C15orf62: variants seen among roughly 807,000 people sequenced by gnomAD.
C15orf62 encodes the protein uncharacterized protein C15orf62, mitochondrial.
C15orf62 carries 11 observed loss-of-function variants against 13.2 expected under a neutral mutation model. The observed-to-expected ratio is 0.83, with a 90% CI of 0.52 to 1.38. The LOEUF (loss-of-function observed/expected upper bound fraction) is 1.38, where lower values mean the gene tolerates loss of function less well. C15orf62 is among the 40% of genes most tolerant of loss of function. C15orf62 has a pLI of 0.00. For synonymous variants in C15orf62, 88 were observed against 95.6 expected (o/e 0.92, Z 0.46); for missense variants, 204 against 229.1 (o/e 0.89, Z 0.71).
rs769514449 is a variant in C15orf62, at chr15:40,770,753, C to T, written c.258C>T (p.Tyr86=). 1.1e-5 allele frequency: 17 copies of T among 1,545,728 alleles called. No homozygotes were observed. The highest frequency in any genetic ancestry group is 1.5e-5 in the Non-Finnish European group (17 of 1,146,976). Reference sequence around the variant, plus strand: ...CCCCACCCAAGCCCCCACGCCTCTACCGAGAGAGCTCAAGCTGCCCCAACA... The same window carrying T: ...CCCCACCCAAGCCCCCACGCCTCTATCGAGAGAGCTCAAGCTGCCCCAACA... ...LLAPPKPPRL[Y]RESSSCPNIL... The change falls in exon 1 of 1, where the codon TAC becomes TAT. Residue 86 remains tyrosine (Y), a synonymous_variant. Coordinates refer to ENST00000344320, the MANE Select transcript of C15orf62 (RefSeq NM_001130448.3). The surrounding 1 kb of genome is among the most constrained non-coding windows in gnomAD (Gnocchi z 5.0).
At position 40,770,092 on chromosome 15, in the gene C15orf62, TCTG is replaced by T. The variant is rs1322076838; in HGVS notation, c.-399_-397del. 1.5e-5 allele frequency: 3 copies of T among 197,632 alleles called. No homozygotes were observed. The Admixed American group carries it at 1.6e-4, about 11-fold the overall frequency. The allele number at this position is 197,632 out of a possible 1,614,324, so 12.2% of individuals were successfully genotyped here. A position where few individuals can be genotyped will look rare whatever the true frequency, so the allele number is the denominator to read the frequency against. ...CACCAGGGCGAGTGAGCTCGGGCCA[TCTG>T]CTGCCTGCCTGTGGAAGGAGCGCTC... On this transcript the variant is annotated 5_prime_UTR_variant, in exon 1 of 1. Coordinates refer to ENST00000344320, the MANE Select transcript of C15orf62 (RefSeq NM_001130448.3). This position sits in a 1 kb window ranked among gnomAD's most constrained non-coding sequence, Gnocchi z 5.0.
rs1222546724 is a variant in C15orf62, at chr15:40,771,361, T to C, written c.*338T>C. ...TCTGTGCGGCACTACAGGAACCAGG[T>C]AGAGGCTGGCAGAGCCAGAAGGTGG... On this transcript the variant is annotated 3_prime_UTR_variant, in exon 1 of 1. Coordinates refer to ENST00000344320, the MANE Select transcript of C15orf62 (RefSeq NM_001130448.3). The C allele has an allele frequency of 3.1e-6, 1 of 326,470 alleles. No homozygotes were observed. Among genetic ancestry groups the C allele is most frequent in the Non-Finnish European group, 6.0e-6 (1 of 165,370 alleles). 20.2% of individuals were successfully genotyped at this position (326,470 alleles called of 1,614,324 possible). A position where few individuals can be genotyped will look rare whatever the true frequency, so the allele number is the denominator to read the frequency against.
Position 40,771,338 on chromosome 15 carries a change from T to G in C15orf62, c.*315T>G. ...AGGCTGTGCCGGGAAAGGGAGGCTC[T>G]GTGCGGCACTACAGGAACCAGGTAG... On this transcript the variant is annotated 3_prime_UTR_variant, in exon 1 of 1. Coordinates refer to ENST00000344320, the MANE Select transcript of C15orf62 (RefSeq NM_001130448.3). 1 of 406,048 alleles carries G rather than the reference T, an allele frequency of 2.5e-6. No individual in the cohort carries two copies. Among genetic ancestry groups the G allele is most frequent in the Non-Finnish European group, 4.7e-6 (1 of 211,766 alleles). 25.2% of individuals were successfully genotyped at this position (406,048 alleles called of 1,614,324 possible). A position where few individuals can be genotyped will look rare whatever the true frequency, so the allele number is the denominator to read the frequency against.
At position 40,771,379 on chromosome 15, in the gene C15orf62, G is replaced by A. The variant is rs1889136367; in HGVS notation, c.*356G>A. 3.2e-6 allele frequency: 1 copy of A among 310,028 alleles called. No individual in the cohort carries two copies. The highest frequency in any genetic ancestry group is 6.4e-6 in the Non-Finnish European group (1 of 155,510). 19.2% of individuals were successfully genotyped at this position (310,028 alleles called of 1,614,324 possible). The stretch of plus-strand genomic sequence containing the variant: ...AACCAGGTAGAGGCTGGCAGAGCCA[G>A]AAGGTGGCACGGGGTCAGATCAGGG... On this transcript the variant is annotated 3_prime_UTR_variant, in exon 1 of 1. Coordinates refer to ENST00000344320, the MANE Select transcript of C15orf62 (RefSeq NM_001130448.3).
chr15:40,770,873 G>A lies in C15orf62; in HGVS notation c.378G>A (p.Lys126=), dbSNP rs979645873. 3 of 1,551,564 alleles carry A rather than the reference G, an allele frequency of 1.9e-6. No homozygotes were observed. Among genetic ancestry groups the A allele is most frequent in the East Asian group, 2.4e-5 (1 of 40,926 alleles). ...GTGCCCTCCACCAGCACTCAGAGAA[G>A]GGCCTTGTGGACACTCCCTGCTTCC... ...LSSALHQHSE[K]GLVDTPCFQR... Residue 126 remains lysine, a synonymous_variant, in exon 1 of 1, where the codon AAG becomes AAA. Coordinates refer to ENST00000344320, the MANE Select transcript of C15orf62 (RefSeq NM_001130448.3). This position sits in a 1 kb window ranked among gnomAD's most constrained non-coding sequence, Gnocchi z 5.0.
rs895059280 is a variant in C15orf62 at position 40,770,509 on chromosome 15, G to A, written c.14G>A (p.Arg5Gln). Residue 5 changes from arginine (R) to glutamine (Q), a missense_variant, in exon 1 of 1, where the codon CGG (arginine) becomes CAG (glutamine). Arg to Gln is a conservative substitution (Grantham distance 43). Transcript: ENST00000344320. The surrounding 1 kb of genome is among the most constrained non-coding windows in gnomAD (Gnocchi z 5.0). METW[R>Q]KGSFRNASFF... is the part of the protein sequence containing the mutation. Reference sequence around the variant, plus strand: ...CCCCTGGGCCCCATGGAGACCTGGCGGAAAGGCTCCTTCCGCAACGCCTCC... The same window carrying A: ...CCCCTGGGCCCCATGGAGACCTGGCAGAAAGGCTCCTTCCGCAACGCCTCC... 1.5e-5 allele frequency: 24 copies of A among 1,549,694 alleles called. No homozygotes were observed. The highest frequency in any genetic ancestry group is 5.5e-5 in the African/African-American group (4 of 73,034).
Position 40,771,015 on chromosome 15 carries a change from A to G in C15orf62, c.520A>G (p.Ser174Gly). The G allele has an allele frequency of 6.4e-7, 1 of 1,550,574 alleles. No individual in the cohort carries two copies. The highest frequency in any genetic ancestry group is 1.2e-5 in the South Asian group (1 of 84,060). The change falls in exon 1 of 1, where the codon AGC becomes GGC. Residue 174 changes from serine to glycine, a missense_variant. By Grantham distance (56) the Ser-to-Gly change is moderately conservative. Coordinates refer to ENST00000344320, the MANE Select transcript of C15orf62 (RefSeq NM_001130448.3). ...AAGGGAGCAGTTTCCTAGCGAGCCC[A>G]GCTTCTAAATGGGGTGAGGGTGGGC... is the stretch of plus-strand genomic sequence containing the variant. ...MLREQFPSEP[S>G]F
At position 40,771,743 on chromosome 15, in the gene C15orf62, T is replaced by A. The variant is rs565133687; in HGVS notation, c.*720T>A. The A allele has an allele frequency of 6.0e-6, 1 of 167,588 alleles. No homozygotes were observed. The highest frequency in any genetic ancestry group is 2.4e-5 in the African/African-American group (1 of 41,590). 10.4% of individuals were successfully genotyped at this position (167,588 alleles called of 1,614,324 possible). ...AGTGCAGAATGGACGTAAACATCGC[T>A]GCACAAAGTTCTAATGGACAGCGCT... On this transcript the variant is annotated 3_prime_UTR_variant, in exon 1 of 1. Coordinates refer to ENST00000344320, the MANE Select transcript of C15orf62 (RefSeq NM_001130448.3).
chr15:40,770,723 G>C lies in C15orf62; in HGVS notation c.228G>C (p.Leu76=). Residue 76 remains leucine, a synonymous_variant, in exon 1 of 1, where the codon CTG becomes CTC. Transcript: ENST00000344320. This position sits in a 1 kb window ranked among gnomAD's most constrained non-coding sequence, Gnocchi z 5.0. ...LWGDEQPRAT[L]LAPPKPPRLY... ...GGGACGAGCAGCCCCGGGCCACCCT[G>C]CTGGCCCCACCCAAGCCCCCACGCC... The C allele has an allele frequency of 6.5e-7, 1 of 1,545,928 alleles. No homozygotes were observed. The highest frequency in any genetic ancestry group is 1.4e-5 in the African/African-American group (1 of 73,144).
chr15:40,770,120 C>CATTAAAAAA lies in C15orf62; in HGVS notation c.-376_-375insATTAAAAAA. The CATTAAAAAA allele has an allele frequency of 4.6e-6, 1 of 216,986 alleles. No homozygotes were observed. The highest frequency in any genetic ancestry group is 9.2e-6 in the Non-Finnish European group (1 of 108,318). The allele number at this position is 216,986 out of a possible 1,614,324, so 13.4% of individuals were successfully genotyped here. A position where few individuals can be genotyped will look rare whatever the true frequency, so the allele number is the denominator to read the frequency against. On this transcript the variant is annotated 5_prime_UTR_variant, in exon 1 of 1. Transcript: ENST00000344320. The surrounding 1 kb of genome is among the most constrained non-coding windows in gnomAD (Gnocchi z 5.0). ...GCTGCCTGCCTGTGGAAGGAGCGCT[C>CATTAAAAAA]GCCAGCCTCACCCAGCCCGAGAAGG...
chr15:40,772,360 G>A lies in C15orf62; in HGVS notation c.*1337G>A, dbSNP rs1596074156. Reference sequence around the variant, plus strand: ...AAGCTCTGACACACACCATTTCTACGACCTAAATCAGTGGCCTCCCTCTTT... The same window carrying A: ...AAGCTCTGACACACACCATTTCTACAACCTAAATCAGTGGCCTCCCTCTTT... On this transcript the variant is annotated 3_prime_UTR_variant, in exon 1 of 1. Transcript: ENST00000344320. The A allele has an allele frequency of 6.0e-6, 1 of 167,160 alleles. No homozygotes were observed. The highest frequency in any genetic ancestry group is 2.1e-4 in the South Asian group (1 of 4,834). The allele number at this position is 167,160 out of a possible 1,614,324, so 10.4% of individuals were successfully genotyped here. A position where few individuals can be genotyped will look rare whatever the true frequency, so the allele number is the denominator to read the frequency against.
rs1171191330 is a variant in C15orf62 at position 40,771,617 on chromosome 15, A to T, written c.*594A>T. 1 of 170,458 alleles carries T rather than the reference A, an allele frequency of 5.9e-6. No homozygotes were observed. Among genetic ancestry groups the T allele is most frequent in the Non-Finnish European group, 1.4e-5 (1 of 70,236 alleles). 10.6% of individuals were successfully genotyped at this position (170,458 alleles called of 1,614,324 possible). The stretch of plus-strand genomic sequence containing the variant: ...TCACTGCATGACACTGAATTGAAAT[A>T]AATAAAATTAACAGTTCAGTTCCTC... On this transcript the variant is annotated 3_prime_UTR_variant, in exon 1 of 1. Coordinates refer to ENST00000344320, the MANE Select transcript of C15orf62 (RefSeq NM_001130448.3).
rs1889103606 is a variant in C15orf62 at position 40,770,596 on chromosome 15, G to A, written c.101G>A (p.Ser34Asn). 6.4e-7 allele frequency: 1 copy of A among 1,550,726 alleles called. No homozygotes were observed. Among genetic ancestry groups the A allele is most frequent in the Non-Finnish European group, 8.7e-7 (1 of 1,146,974 alleles). Residue 34 changes from serine to asparagine, a missense_variant, in exon 1 of 1, where the codon AGC (serine) becomes AAC (asparagine). Transcript: ENST00000344320. The surrounding 1 kb of genome is among the most constrained non-coding windows in gnomAD (Gnocchi z 5.0). ...RRLRRQSSVL[S>N]QASTAGGDHE... ...CTCCGGCGACAGAGTAGTGTGCTTA[G>A]CCAGGCCAGCACAGCAGGTGGGGAC...
At position 40,771,257 on chromosome 15, in the gene C15orf62, G is replaced by C. The variant is rs117477898; in HGVS notation, c.*234G>C. The C allele has an allele frequency of 2.5e-4, 142 of 568,132 alleles. 1 individual carries two copies. In the East Asian group the frequency reaches 3.1e-3, roughly 13 times the overall value. 35.2% of individuals were successfully genotyped at this position (568,132 alleles called of 1,614,324 possible). ...GGACAGAGGCAATCTGGAAATGTTGGGGGGGCGGCCCTTCCTGGCAGGACC... is the reference window on the plus strand; with the variant it reads ...GGACAGAGGCAATCTGGAAATGTTGCGGGGGCGGCCCTTCCTGGCAGGACC... On this transcript the variant is annotated 3_prime_UTR_variant, in exon 1 of 1. Coordinates refer to ENST00000344320, the MANE Select transcript of C15orf62 (RefSeq NM_001130448.3).
Position 40,770,946 on chromosome 15 carries a change from G to A in C15orf62, c.451G>A (p.Val151Met). ...CAGTGATCCCTTCCTCTCCTTCAAA[G>A]TGGACCTGGGGATTTCACTTCTTGA... ...DLSDPFLSFK[V>M]DLGISLLEEV... The change falls in exon 1 of 1, where the codon GTG (valine) becomes ATG (methionine). Residue 151 changes from valine to methionine, a missense_variant. By Grantham distance (21) the Val-to-Met change is conservative. Transcript: ENST00000344320. This position sits in a 1 kb window ranked among gnomAD's most constrained non-coding sequence, Gnocchi z 5.0. The A allele has an allele frequency of 6.4e-7, 1 of 1,551,424 alleles. No homozygotes were observed. Among genetic ancestry groups the A allele is most frequent in the Non-Finnish European group, 8.7e-7 (1 of 1,147,006 alleles).
At position 40,772,160 on chromosome 15, in the gene C15orf62, C is replaced by G. The variant is rs1889164801; in HGVS notation, c.*1137C>G. On this transcript the variant is annotated 3_prime_UTR_variant, in exon 1 of 1. Coordinates refer to ENST00000344320, the MANE Select transcript of C15orf62 (RefSeq NM_001130448.3). ...GGATTAGACAGTTCTGCCGCCTGAACCCTCCGACGATGGGCCTGCCAACCA... is the reference window on the plus strand; with the variant it reads ...GGATTAGACAGTTCTGCCGCCTGAAGCCTCCGACGATGGGCCTGCCAACCA... 6.0e-6 allele frequency: 1 copy of G among 167,002 alleles called. No individual in the cohort carries two copies. Among genetic ancestry groups the G allele is most frequent in the Admixed American group, 6.5e-5 (1 of 15,296 alleles). 10.3% of individuals were successfully genotyped at this position (167,002 alleles called of 1,614,324 possible). A position where few individuals can be genotyped will look rare whatever the true frequency, so the allele number is the denominator to read the frequency against.
In C15orf62 at chr15:40,770,722, T is replaced by C; in HGVS notation, c.227T>C (p.Leu76Pro). ...GGGGACGAGCAGCCCCGGGCCACCC[T>C]GCTGGCCCCACCCAAGCCCCCACGC... Reference protein sequence around the residue: ...LWGDEQPRATLLAPPKPPRLY... With the variant: ...LWGDEQPRATPLAPPKPPRLY... The change falls in exon 1 of 1, where the codon CTG (leucine) becomes CCG (proline). Residue 76 changes from leucine (L) to proline (P), a missense_variant. Leu to Pro is a moderately conservative substitution (Grantham distance 98). Transcript: ENST00000344320. The surrounding 1 kb of genome is among the most constrained non-coding windows in gnomAD (Gnocchi z 5.0). 6.5e-7 allele frequency: 1 copy of C among 1,545,920 alleles called. No homozygotes were observed. Among genetic ancestry groups the C allele is most frequent in the Non-Finnish European group, 8.7e-7 (1 of 1,146,826 alleles).
rs1462179525 is a variant in C15orf62 at position 40,770,533 on chromosome 15, CCTT to C, written c.43_45del (p.Phe15del). 9 of 1,550,504 alleles carry C rather than the reference CCTT, an allele frequency of 5.8e-6. No individual in the cohort carries two copies. The African/African-American group carries it at 6.8e-5, about 12-fold the overall frequency. ...CGGAAAGGCTCCTTCCGCAACGCCTCCTTCTTCAAGCAGCTGAGCCTGGGGCGG... is the reference window on the plus strand; with the variant it reads ...CGGAAAGGCTCCTTCCGCAACGCCTCCTTCAAGCAGCTGAGCCTGGGGCGG... On this transcript the variant is annotated inframe_deletion, in exon 1 of 1. Transcript: ENST00000344320. The surrounding 1 kb of genome is among the most constrained non-coding windows in gnomAD (Gnocchi z 5.0).
rs1357713573 is a variant in C15orf62 at position 40,771,410 on chromosome 15, G to A, written c.*387G>A. On this transcript the variant is annotated 3_prime_UTR_variant, in exon 1 of 1. Transcript: ENST00000344320. The stretch of plus-strand genomic sequence containing the variant: ...GGCACGGGGTCAGATCAGGGAGTGG[G>A]AGGACACAGACTGAGCAGAAGAGAT... The A allele has an allele frequency of 3.7e-6, 1 of 268,086 alleles. No homozygotes were observed. The highest frequency in any genetic ancestry group is 9.5e-5 in the East Asian group (1 of 10,554). 16.6% of individuals were successfully genotyped at this position (268,086 alleles called of 1,614,324 possible).
Sources: allele counts gnomAD v4.1 joint callset, GRCh38; gene constraint gnomAD v4.1.1; non-coding constraint Gnocchi (gnomAD v3.1); transcripts MANE v1.5; gene names NCBI Gene and HGNC (gene_info 2026-07-23, HGNC 2026-07-21).